Variants in ZNF83 observed in about 807,000 individuals in gnomAD.
ZNF83 encodes zinc finger protein 816B.
For missense variants in ZNF83, 552 were observed against 629.9 expected (o/e 0.88, Z 1.32); for synonymous variants, 209 against 213.0 (o/e 0.98, Z 0.17).
intron 1 of ZNF83, among the ~76,000 whole-genome samples, chr19:52,661,319 G>A (rs979793372): frequency 6.6e-6 from 1 of 152,114 alleles, no homozygotes; most frequent in African/African-American, 2.4e-5. Flanking sequence ...GGGTAATTTT[G>A]ACCCATTTTC....
chr19:52,613,373 C>G (rs879359054), exon 3 of ZNF83: 1 of 1,613,594 alleles, frequency 6.2e-7, no homozygotes, highest in Non-Finnish European at 8.5e-7. Flanking sequence ...TAAGGTTTCT[C>G]TCCAGTATGG....
chr19:52,655,303 C>A (rs150107863), intron 3 of ZNF83: 3 of 338,750 alleles, frequency 8.9e-6, no homozygotes, highest in Admixed American at 4.5e-5. Flanking sequence ...CTACCAGGGG[C>A]ATCTCTGCTT....
intron 1 of ZNF83, among the ~76,000 whole-genome samples, chr19:52,679,951 C>T (rs144638875): frequency 0.11 from 16,559 of 152,026 alleles, 1,208 homozygotes; most frequent in Non-Finnish European, 0.15. Flanking sequence ...GAGGCTGAGG[C>T]GGGTGGATCA....
chr19:52,631,584 A>G (rs1193278417), intron 2 of ZNF83, among the ~76,000 whole-genome samples: 2 of 152,150 alleles, frequency 1.3e-5, no homozygotes, highest in African/African-American at 4.8e-5. Flanking sequence ...ACTCTTTGTT[A>G]AGTCCCACAA....
At chr19:52,676,371 T>A (rs1359326524) in intron 1 of ZNF83, among the ~76,000 whole-genome samples, 5 of 152,140 alleles carry the variant, frequency 3.3e-5, no homozygotes, top group South Asian at 2.1e-4. Context: ...CCTCCCAAAG[T>A]GCCGAGATTG....
chr19:52,628,194 A>C (rs192440064), intron 2 of ZNF83, among the ~76,000 whole-genome samples: 371 of 152,278 alleles, frequency 2.4e-3, no homozygotes, highest in Non-Finnish European at 4.1e-3. Context: ...CACGCATGAA[A>C]TTTGGTGCCA....
intron 2 of ZNF83, among the ~76,000 whole-genome samples, chr19:52,658,136 CAAA>C (rs34503824): frequency 1.9e-5 from 2 of 103,776 alleles, no homozygotes. Flanking sequence ...AACTTCATCT[CAAA>C]AAAAAAAAAA....
At chr19:52,625,038 T>TC (rs2060686793) in intron 2 of ZNF83, among the ~76,000 whole-genome samples, 2 of 151,172 alleles carry the variant, frequency 1.3e-5, no homozygotes, top group African/African-American at 2.4e-5. Flanking sequence ...TCACTCCATT[T>TC]CCCCCTCCTT....
intron 1 of ZNF83, among the ~76,000 whole-genome samples, chr19:52,687,592 ATATAATGTATATATATATAATG>A (rs2062057755): frequency 1.4e-4 from 3 of 20,746 alleles, no homozygotes; most frequent in African/African-American, 9.6e-4. Flanking sequence ...ATATATATAT[ATATAATGTATATATATATAATG>A]TGTATATATA....
At chr19:52,643,360 GAA>G (rs35849256), upstream of ZNF83, among the ~76,000 whole-genome samples, 26 of 136,338 alleles carry the variant, frequency 1.9e-4, no homozygotes, top group South Asian at 2.4e-4. Flanking sequence ...GTCTCAAATA[GAA>G]AAAAAAAAAA....
chr19:52,687,378 A>AT (rs1171690433), intron 1 of ZNF83, among the ~76,000 whole-genome samples: 12 of 40,284 alleles, frequency 3.0e-4, no homozygotes, highest in African/African-American at 1.7e-3. Context: ...TATAAATTAT[A>AT]ATTTATATAT....
intron 1 of ZNF83, among the ~76,000 whole-genome samples, chr19:52,685,677 A>C (rs1432533450): frequency 6.6e-6 from 1 of 152,050 alleles, no homozygotes; most frequent in Admixed American, 6.6e-5. Flanking sequence ...TGGGCAGATC[A>C]CCTGAGGTCA....
chr19:52,633,451 C>G (rs2061041319), intron 2 of ZNF83, among the ~76,000 whole-genome samples: 1 of 149,262 alleles, frequency 6.7e-6, no homozygotes, highest in Non-Finnish European at 1.5e-5. Context: ...CATAATGATG[C>G]AAAAATACAC....
At chr19:52,672,649 G>GAC (rs2061742257) in intron 1 of ZNF83, among the ~76,000 whole-genome samples, 1 of 152,080 alleles carries the variant, frequency 6.6e-6, no homozygotes, top group Non-Finnish European at 1.5e-5. Flanking sequence ...GCCTAGGCTG[G>GAC]GGTGCAATGG....
chr19:52,627,912 C>G (rs1212143922), intron 2 of ZNF83, among the ~76,000 whole-genome samples: 1 of 152,140 alleles, frequency 6.6e-6, no homozygotes, highest in Non-Finnish European at 1.5e-5. Flanking sequence ...TGAAAATGGC[C>G]TGTTCCTGCC....
intron 2 of ZNF83, among the ~76,000 whole-genome samples, chr19:52,620,292 G>GTGTGTGTGTGTGTGTGTGTGTGTGTATA (rs1568534871): frequency 2.0e-5 from 3 of 149,210 alleles, no homozygotes; most frequent in African/African-American, 7.4e-5. Context: ...GTGTGTGTGT[G>GTGTGTGTGTGTGTGTGTGTGTGTGTATA]TATATATAGT....
intron 3 of ZNF83, chr19:52,651,943 C>T (rs2061447076): frequency 5.7e-6 from 1 of 176,224 alleles, no homozygotes; most frequent in African/African-American, 2.4e-5. Context: ...AAACTCTAGT[C>T]AATGCAGAAT....
At chr19:52,613,858 T>C in exon 3 of ZNF83, 4 of 1,614,174 alleles carry the variant, frequency 2.5e-6, no homozygotes, top group Non-Finnish European at 3.4e-6. Flanking sequence ...GCCACATTTG[T>C]TACATTCGTA....
chr19:52,617,838 G>A (rs956440373), intron 2 of ZNF83: 2 of 152,334 alleles, frequency 1.3e-5, no homozygotes, highest in African/African-American at 4.8e-5. Flanking sequence ...AGAGACTCCT[G>A]CTTATAAAAA....
Sources: gnomAD v4.1 joint callset for allele counts (sites outside exome capture counted in the v4.1 genomes callset) on GRCh38, gnomAD v4.1.1 for gene constraint, MANE v1.5 for transcripts, NCBI Gene and HGNC (gene_info 2026-07-23, HGNC 2026-07-21) for gene names.